Variants in RYR3 observed in about 807,000 individuals in gnomAD.
RYR3 encodes the protein ryanodine receptor 3, also known as brain ryanodine receptor-calcium release channel.
In RYR3, 207 loss-of-function variants were observed where a neutral mutation model predicts 584.3. That is an observed-to-expected ratio of 0.35 (90% CI 0.32 to 0.40). The LOEUF is 0.40. Among genes scored for constraint, RYR3 ranks in the 10% least tolerant of loss-of-function variants. The pLI is 1.00. For synonymous variants in RYR3, 2,416 were observed against 2,248.5 expected (o/e 1.07, Z -2.11); for missense variants, 5,616 against 6,089.2 (o/e 0.92, Z 2.59).
intron 1 of RYR3, among the ~76,000 whole-genome samples, chr15:33,348,409 A>G (rs1046507961): frequency 1.3e-5 from 2 of 152,186 alleles, no homozygotes; most frequent in African/African-American, 4.8e-5. Context: ...ATGGTAATAC[A>G]GTTAGATTCT....
intron 1 of RYR3, among the ~76,000 whole-genome samples, chr15:33,419,558 G>A (rs945664267): frequency 1.3e-5 from 2 of 152,144 alleles, no homozygotes; most frequent in African/African-American, 2.4e-5. Context: ...TTGAAAAGAT[G>A]TAAGGAAAGT....
intron 2 of RYR3, among the ~76,000 whole-genome samples, chr15:33,490,655 T>C (rs561232740): frequency 2.0e-5 from 3 of 150,620 alleles, no homozygotes; most frequent in Non-Finnish European, 4.4e-5. Context: ...TAGAATTTAA[T>C]ACAAGCTGTG....
At chr15:33,610,628 C>T (rs1419422728) in intron 18 of RYR3, among the ~76,000 whole-genome samples, 1 of 152,182 alleles carries the variant, frequency 6.6e-6, no homozygotes, top group Non-Finnish European at 1.5e-5. Flanking sequence ...TTTAAAAATT[C>T]ACCACTTAGT....
At chr15:33,630,168 G>A in intron 22 of RYR3, 125 bp downstream of exon 22, 1 of 589,272 alleles carries the variant, frequency 1.7e-6, no homozygotes, top group Non-Finnish European at 3.0e-6. Context: ...TAGAGGAGAT[G>A]ATGATGAATC....
At chr15:33,581,674 G>T (rs749440419) in intron 14 of RYR3, 31 bp downstream of exon 14, 3 of 1,600,738 alleles carry the variant, frequency 1.9e-6, no homozygotes, top group Non-Finnish European at 2.6e-6. Flanking sequence ...TTCTCCCTGG[G>T]ATGATTTCCA....
chr15:33,509,816 C>T (rs915786050), intron 3 of RYR3, among the ~76,000 whole-genome samples: 7 of 152,132 alleles, frequency 4.6e-5, no homozygotes, highest in African/African-American at 1.7e-4. Context: ...GACCTCCCCA[C>T]CCCAGTGCCG....
intron 4 of RYR3, among the ~76,000 whole-genome samples, chr15:33,531,557 G>A (rs1332054706): frequency 6.6e-6 from 1 of 151,822 alleles, no homozygotes; most frequent in Non-Finnish European, 1.5e-5. Context: ...ATGATGCAAA[G>A]TTCATCTCAA....
chr15:33,682,970 G>C (rs2064734517), intron 38 of RYR3, among the ~76,000 whole-genome samples: 1 of 151,142 alleles, frequency 6.6e-6, no homozygotes, highest in Non-Finnish European at 1.5e-5. Context: ...TCTTGCTTCT[G>C]ATGGCTGTCC....
chr15:33,680,807 TG>T (rs1474359573), intron 38 of RYR3, among the ~76,000 whole-genome samples: 1 of 152,228 alleles, frequency 6.6e-6, no homozygotes, highest in African/African-American at 2.4e-5. Flanking sequence ...GCTATGTATG[TG>T]GTCAGTAATA....
intron 47 of RYR3, among the ~76,000 whole-genome samples, chr15:33,729,533 G>A (rs2068767957): frequency 6.6e-6 from 1 of 152,112 alleles, no homozygotes; most frequent in Non-Finnish European, 1.5e-5. Flanking sequence ...TGACCACCAG[G>A]ATGGATAGGT....
chr15:33,780,351 T>A lies in RYR3; in HGVS notation c.9268+10T>A. 6.2e-7 allele frequency: 1 copy of A among 1,613,046 alleles called. No homozygotes were observed. Among genetic ancestry groups the A allele is most frequent in the Non-Finnish European group, 8.5e-7 (1 of 1,179,488 alleles). ...CCCAGGGAGAGGTCTAGTAAGTATC[T>A]CCCCTCAAAGGTCATCAACCCATTT... On this transcript the variant is annotated intron_variant, in intron 65 of 103. Coordinates refer to ENST00000634891, the MANE Select transcript of RYR3 (RefSeq NM_001036.6).
At chr15:33,532,005 C>T (rs1354287400) in intron 4 of RYR3, among the ~76,000 whole-genome samples, 1 of 152,098 alleles carries the variant, frequency 6.6e-6, no homozygotes, top group East Asian at 1.9e-4. Flanking sequence ...AAGTTTACCC[C>T]TCCTAAAAAA....
At chr15:33,451,343 G>C (rs2047110704) in intron 1 of RYR3, among the ~76,000 whole-genome samples, 1 of 152,004 alleles carries the variant, frequency 6.6e-6, no homozygotes, top group Non-Finnish European at 1.5e-5. Context: ...GATATTAACA[G>C]TTCCCATTAG....
In RYR3 at chr15:33,813,416, G is replaced by GCCA. The variant is rs955508013; in HGVS notation, c.10390-47_10390-45dup. 4.8e-5 allele frequency: 73 copies of GCCA among 1,512,288 alleles called. No homozygotes were observed. In the African/African-American group the frequency reaches 8.8e-4, roughly 18 times the overall value. The allele number at this position is 1,512,288 out of a possible 1,614,324, so 93.7% of individuals were successfully genotyped here. A position where few individuals can be genotyped will look rare whatever the true frequency, so the allele number is the denominator to read the frequency against. ...TCTGGGCTACAGGTGACTAGCTTCT[G>GCCA]CCACCAGAAGATCAGCCTAATGTGC... On this transcript the variant is annotated intron_variant, in intron 73 of 103. Transcript: ENST00000634891.
At chr15:33,517,499 A>G (rs2053619122) in intron 3 of RYR3, among the ~76,000 whole-genome samples, 1 of 152,250 alleles carries the variant, frequency 6.6e-6, no homozygotes, top group Non-Finnish European at 1.5e-5. Flanking sequence ...ATCATCTTAA[A>G]TTCGCATCTC....
chr15:33,763,892 CAA>C (rs796878162), intron 60 of RYR3, among the ~76,000 whole-genome samples: 65 of 45,860 alleles, frequency 1.4e-3, no homozygotes, highest in African/African-American at 4.9e-3. Flanking sequence ...GACTTCATCT[CAA>C]AAAAAAAAAA....
rs374444900 is a variant in RYR3, at chr15:33,540,907, G to A, written c.646+17G>A. 24 of 1,528,130 alleles carry A rather than the reference G, an allele frequency of 1.6e-5. No homozygotes were observed. Among genetic ancestry groups the A allele is most frequent in the Middle Eastern group, 3.4e-4 (2 of 5,910 alleles). The allele number at this position is 1,528,130 out of a possible 1,614,324, so 94.7% of individuals were successfully genotyped here. A position where few individuals can be genotyped will look rare whatever the true frequency, so the allele number is the denominator to read the frequency against. On this transcript the variant is annotated intron_variant, in intron 7 of 103. Coordinates refer to ENST00000634891, the MANE Select transcript of RYR3 (RefSeq NM_001036.6). ...TCGAAGAAGGTGTGCTTCTTTAAAT[G>A]CATTTAGCCCTGAGCCTGCCTATCT...
intron 27 of RYR3, among the ~76,000 whole-genome samples, chr15:33,638,266 A>C (rs564052848): frequency 6.6e-6 from 1 of 152,240 alleles, no homozygotes; most frequent in Non-Finnish European, 1.5e-5. Context: ...GTGGGTGGAC[A>C]TCAGGGCAGT....
intron 38 of RYR3, among the ~76,000 whole-genome samples, chr15:33,680,464 C>T (rs1320465499): frequency 6.6e-6 from 1 of 152,188 alleles, no homozygotes; most frequent in Non-Finnish European, 1.5e-5. Context: ...GCTTTGCCCT[C>T]GAGCTGGCAG....
Sources: gnomAD v4.1 joint callset for allele counts (sites outside exome capture counted in the v4.1 genomes callset) on GRCh38, gnomAD v4.1.1 for gene constraint, MANE v1.5 for transcripts, NCBI Gene and HGNC (gene_info 2026-07-23, HGNC 2026-07-21) for gene names.